RRP12: variants seen among roughly 807,000 people sequenced by gnomAD.
The protein encoded by RRP12 is RRP12-like protein.
A neutral mutation model predicts 157.3 loss-of-function variants in RRP12; 78 were observed. The observed-to-expected ratio is 0.50, with a 90% CI of 0.41 to 0.60. The LOEUF (loss-of-function observed/expected upper bound fraction) is 0.60. Ranked by LOEUF, RRP12 falls within the 20% of genes least tolerant of loss-of-function variation. The pLI, the probability that RRP12 is intolerant of heterozygous loss-of-function variation, is 0.00. For synonymous variants in RRP12, 726 were observed against 670.9 expected (o/e 1.08, Z -1.27); for missense variants, 1,521 against 1,679.9 (o/e 0.91, Z 1.65).
chr10:97,363,831 C>G (rs957065691), intron 30 of RRP12, 23 bp downstream of exon 30: 17 of 1,608,458 alleles, frequency 1.1e-5, no homozygotes, highest in Non-Finnish European at 1.4e-5. Flanking sequence ...AGCCCTAGCC[C>G]CCCATCTGCA....
At chr10:97,387,885 TGA>T (rs1844679900) in intron 8 of RRP12, 1 of 166,184 alleles carries the variant, frequency 6.0e-6, no homozygotes, top group South Asian at 9.2e-5. Flanking sequence ...GAGGTTGCAG[TGA>T]GCCAAGATCG....
At chr10:97,396,953 T>A (rs1844980319) in intron 2 of RRP12, among the ~76,000 whole-genome samples, 1 of 151,790 alleles carries the variant, frequency 6.6e-6, no homozygotes, top group Non-Finnish European at 1.5e-5. Flanking sequence ...TTAGTAGAGA[T>A]GGGGTTTTAC....
intron 3 of RRP12, among the ~76,000 whole-genome samples, chr10:97,394,629 C>T (rs1844904879): frequency 6.6e-6 from 1 of 152,170 alleles, no homozygotes; most frequent in Non-Finnish European, 1.5e-5. Flanking sequence ...GCCTCAAGCA[C>T]TCCTCCGATC....
At position 97,380,791 on chromosome 10, in the gene RRP12, C is replaced by T. The variant is rs998266473; in HGVS notation, c.1533+8G>A. ...TTCCTGCCCTGGCCCCAGCCGCTCC[C>T]CACTCACCTTCCTCATCACAGGGTG... On this transcript the variant is annotated splice_region_variant and intron_variant, in intron 13 of 33. Transcript: ENST00000370992. 2 of 1,606,400 alleles carry T rather than the reference C, an allele frequency of 1.2e-6. No homozygotes were observed. Among genetic ancestry groups the T allele is most frequent in the Middle Eastern group, 1.6e-4 (1 of 6,072 alleles).
chr10:97,400,309 TTGTGGG>T lies in RRP12; in HGVS notation c.359_364del (p.Ala120_Lys122delinsGlu), dbSNP rs771864209. ...CCTCCCGACCCTCGCCCCTACCTCCTTGTGGGCAGCCGAGTTGGACTCCCAGAAGCG... is the reference window on the plus strand; with the variant it reads ...CCTCCCGACCCTCGCCCCTACCTCCTCAGCCGAGTTGGACTCCCAGAAGCG... On this transcript the variant is annotated inframe_deletion, in exon 2 of 34. Coordinates refer to ENST00000370992, the MANE Select transcript of RRP12 (RefSeq NM_015179.4). 2 of 1,613,790 alleles carry T rather than the reference TTGTGGG, an allele frequency of 1.2e-6. No individual in the cohort carries two copies. Among genetic ancestry groups the T allele is most frequent in the Non-Finnish European group, 1.7e-6 (2 of 1,179,784 alleles).
In RRP12 at chr10:97,358,937, A is replaced by T. The variant is rs759479450; in HGVS notation, c.3708+6T>A. On this transcript the variant is annotated splice_donor_region_variant and intron_variant, in intron 32 of 33. Coordinates refer to ENST00000370992, the MANE Select transcript of RRP12 (RefSeq NM_015179.4). ...GGAGACCCCATGCCCTACATGCAGC[A>T]CTTACCTTGGCCTTGTATTCAGCCC... The T allele has an allele frequency of 4.3e-6, 7 of 1,612,058 alleles. No homozygotes were observed. The highest frequency in any genetic ancestry group is 5.9e-6 in the Non-Finnish European group (7 of 1,178,370).
intron 29 of RRP12, among the ~76,000 whole-genome samples, chr10:97,365,055 G>A (rs1252290499): frequency 2.6e-5 from 4 of 152,064 alleles, no homozygotes; most frequent in Admixed American, 6.6e-5. Flanking sequence ...ATTCCAACCC[G>A]GAAAAGTGGG....
rs781532491 is a variant in RRP12, at chr10:97,357,055, C to A, written c.*39G>T. The A allele has an allele frequency of 3.1e-5, 40 of 1,285,430 alleles. No homozygotes were observed. The highest frequency in any genetic ancestry group is 4.4e-5 in the Non-Finnish European group (39 of 890,312). The allele number at this position is 1,285,430 out of a possible 1,614,324, so 79.6% of individuals were successfully genotyped here. Reference sequence around the variant, plus strand: ...AAGGCAGCCTGGGGGCTGAAAGGGCCTCAGACTGGACCACAGGGCAGCCCA... The same window carrying A: ...AAGGCAGCCTGGGGGCTGAAAGGGCATCAGACTGGACCACAGGGCAGCCCA... On this transcript the variant is annotated 3_prime_UTR_variant, in exon 34 of 34. Transcript: ENST00000370992.
chr10:97,390,998 A>C (rs1844788554), intron 4 of RRP12, among the ~76,000 whole-genome samples, 154 bp from the exon 5 acceptor site: 1 of 152,150 alleles, frequency 6.6e-6, no homozygotes, highest in Non-Finnish European at 1.5e-5. Flanking sequence ...CCACCTTATC[A>C]GCCAGCTCAG....
intron 15 of RRP12, 122 bp downstream of exon 15, chr10:97,379,171 G>T: frequency 2.6e-6 from 3 of 1,176,012 alleles, no homozygotes; most frequent in Admixed American, 1.9e-5. Context: ...CTCGGCAGAG[G>T]GATGTTGCCA....
chr10:97,374,741 C>T (rs1359220021), intron 15 of RRP12, among the ~76,000 whole-genome samples: 1 of 139,610 alleles, frequency 7.2e-6, no homozygotes, highest in African/African-American at 2.7e-5. Context: ...TATTGCACAA[C>T]AGCCTGGGTG....
At position 97,372,761 on chromosome 10, in the gene RRP12, C is replaced by T. The variant is rs373664706; in HGVS notation, c.2224G>A (p.Asp742Asn). 5.4e-5 allele frequency: 85 copies of T among 1,562,740 alleles called. No individual in the cohort carries two copies. Among genetic ancestry groups the T allele is most frequent in the Non-Finnish European group, 6.6e-5 (76 of 1,153,046 alleles). The change falls in exon 19 of 34, where the codon GAC becomes AAC. Residue 742 changes from aspartate (D) to asparagine (N), a missense_variant. By Grantham distance (23) the Asp-to-Asn change is conservative. Coordinates refer to ENST00000370992, the MANE Select transcript of RRP12 (RefSeq NM_015179.4). ...LLEKASEKVLDPASSDFTRLS... is the reference protein window; with the variant it reads ...LLEKASEKVLNPASSDFTRLS... ...CTGGTAAAGTCAGAGCTGGCAGGGT[C>T]GAGCACCTTCTCACTGGCTTTTTCC...
In RRP12 at chr10:97,390,844, A is replaced by G; in HGVS notation, c.531T>C (p.Arg177=). The change falls in exon 5 of 34, where the codon CGT becomes CGC. Residue 177 remains arginine (R), a splice_region_variant and synonymous_variant. Transcript: ENST00000370992. The part of the protein sequence containing the change: ...VAYLLNLVLK[R]VPSPVLIKKF... ...TCTTAATAAGCACAGGGCTGGGAAC[A>G]CTGTGGGAAAGAACAGAGATGGTCA... 1.3e-6 allele frequency: 2 copies of G among 1,592,478 alleles called. No individual in the cohort carries two copies. Among genetic ancestry groups the G allele is most frequent in the Non-Finnish European group, 8.6e-7 (1 of 1,160,184 alleles).
chr10:97,371,298 A>T, intron 20 of RRP12: 1 of 598,644 alleles, frequency 1.7e-6, no homozygotes, highest in Non-Finnish European at 3.0e-6. Context: ...AATCCACTCC[A>T]CTCACCCAGC....
intron 9 of RRP12, among the ~76,000 whole-genome samples, chr10:97,385,468 C>G (rs542379072): frequency 6.6e-6 from 1 of 152,038 alleles, no homozygotes; most frequent in Non-Finnish European, 1.5e-5. Context: ...CCTCTAGGAG[C>G]AGCGGAGTAT....
chr10:97,401,357 T>C, upstream of RRP12: 2 of 1,225,144 alleles, frequency 1.6e-6, no homozygotes, highest in South Asian at 2.8e-5. Flanking sequence ...ACTTCCGGAT[T>C]CGTGTGCATT....
Position 97,360,550 on chromosome 10 carries a change from G to C in RRP12, c.3636C>G (p.Tyr1212Ter). The C allele has an allele frequency of 6.2e-7, 1 of 1,611,456 alleles. No individual in the cohort carries two copies. The highest frequency in any genetic ancestry group is 8.5e-7 in the Non-Finnish European group (1 of 1,177,594). Residue 1212 changes from tyrosine (Y) to a stop codon, truncating the protein, a stop_gained, in exon 31 of 34, where the codon TAC (tyrosine) becomes TAG (stop). Coordinates refer to ENST00000370992, the MANE Select transcript of RRP12 (RefSeq NM_015179.4). LOFTEE classifies it high-confidence loss of function. ...EEEELEIPPQ[Y>*]QAGGSGIHRP... ...AGAGAGGAGTGGAAGCCTCACCTTGGTACTGAGGGGGTATCTCCAGCTCCT... is the reference window on the plus strand; with the variant it reads ...AGAGAGGAGTGGAAGCCTCACCTTGCTACTGAGGGGGTATCTCCAGCTCCT...
intron 10 of RRP12, 130 bp from the exon 11 acceptor site, chr10:97,381,956 C>T (rs1320739398): frequency 9.5e-6 from 6 of 631,096 alleles, no homozygotes; most frequent in Middle Eastern, 4.3e-4. Flanking sequence ...CTCCGTAGGG[C>T]CCTTCTGGTG....
intron 30 of RRP12, among the ~76,000 whole-genome samples, chr10:97,362,564 C>T (rs1310319796): frequency 2.0e-5 from 3 of 152,020 alleles, no homozygotes; most frequent in Non-Finnish European, 2.9e-5. Context: ...GGTGGCCTCT[C>T]GGAGGGGCCC....
Sources: gnomAD v4.1 joint callset for allele counts (sites outside exome capture counted in the v4.1 genomes callset) on GRCh38, gnomAD v4.1.1 for gene constraint, MANE v1.5 for transcripts, NCBI Gene and HGNC (gene_info 2026-07-23, HGNC 2026-07-21) for gene names.